The following TTI2 variants were observed in gnomAD, a reference collection of about 807,000 sequenced individuals.
TTI2 encodes TELO2 interacting protein 2.
In TTI2, 26 loss-of-function variants were observed where a neutral mutation model predicts 44.9. The ratio of observed to expected loss-of-function variants is 0.58; its 90% CI spans 0.42 to 0.80. TTI2 has a LOEUF of 0.80. TTI2 is among the 30% of genes least tolerant of loss of function. TTI2 has a pLI of 0.00. For missense variants in TTI2, 582 were observed against 611.6 expected, an observed-to-expected ratio of 0.95 and a Z score of 0.51; for synonymous variants, 254 against 250.9, an observed-to-expected ratio of 1.01 and a Z score of -0.12.
intron 3 of TTI2, 55 bp downstream of exon 3, chr8:33,509,691 C>T (rs1000666036): frequency 6.5e-7 from 1 of 1,530,132 alleles, no homozygotes; most frequent in African/African-American, 1.4e-5. Context: ...GAAGAACAGC[C>T]AGGAATGACT....
At chr8:33,500,622 A>C (rs1809040125) in intron 6 of TTI2, 132 bp from the exon 7 acceptor site, 2 of 1,147,678 alleles carry the variant, frequency 1.7e-6, no homozygotes, top group Non-Finnish European at 2.4e-6. Context: ...TAAATGAAAA[A>C]GACCTAAAAA....
At position 33,512,193 on chromosome 8, in the gene TTI2, T is replaced by C; in HGVS notation, c.421A>G (p.Thr141Ala). ...KNSLVGPAWQ[T>A]GLHHLAGPVY... ...GGTCCTGCCAAGTGATGCAGGCCCG[T>C]CTGCCATGCAGGGCCGACCAGGGAA... Residue 141 changes from threonine to alanine, a missense_variant, in exon 2 of 8, where the codon ACG (threonine) becomes GCG (alanine). By Grantham distance (58) the Thr-to-Ala change is moderately conservative. Coordinates refer to ENST00000431156, the MANE Select transcript of TTI2 (RefSeq NM_001102401.4). 2 of 1,614,158 alleles carry C rather than the reference T, an allele frequency of 1.2e-6. No individual in the cohort carries two copies. Among genetic ancestry groups the C allele is most frequent in the Non-Finnish European group, 8.5e-7 (1 of 1,180,034 alleles).
chr8:33,501,431 A>G lies in TTI2; in HGVS notation c.1260-941T>C, dbSNP rs938324159. On this transcript the variant is annotated intron_variant, in intron 6 of 7. Coordinates refer to ENST00000431156, the MANE Select transcript of TTI2 (RefSeq NM_001102401.4). ...ACACATATTCCTTTTCTACCTCCCT[A>G]CATTTATTCACTCTCCCTTCTTGGA... 3.3e-5 allele frequency among the ~76,000 whole-genome samples: 5 copies of G among 151,956 alleles called. No homozygotes were observed. The East Asian group carries it at 9.6e-4, about 29-fold the overall frequency.
Position 33,512,151 on chromosome 8 carries a change from T to C in TTI2, c.463A>G (p.Ile155Val). The C allele has an allele frequency of 6.2e-7, 1 of 1,614,158 alleles. No homozygotes were observed. Among genetic ancestry groups the C allele is most frequent in the Non-Finnish European group, 8.5e-7 (1 of 1,180,004 alleles). ...HLAGPVYIFA[I>V]THSLEQPWTT... ...CATGGTTGCTCCAAGCTGTGTGTGA[T>C]GGCAAAAATATAAACGGGTCCTGCC... The change falls in exon 2 of 8, where the codon ATC becomes GTC. Residue 155 changes from isoleucine to valine, a missense_variant. By Grantham distance (29) the Ile-to-Val change is conservative. Transcript: ENST00000431156.
chr8:33,509,864 G>C lies in TTI2; in HGVS notation c.716C>G (p.Pro239Arg), dbSNP rs776614145. ...CCTTTCCAGATGCTGGCTCAGCCAG[G>C]GCCGAGTGACCTGTTGCAGAGTCCA... ...FSWTLQQVTR[P>R]WLSQHLERVL... The change falls in exon 3 of 8, where the codon CCC (proline) becomes CGC (arginine). Residue 239 changes from proline to arginine, a missense_variant. Coordinates refer to ENST00000431156, the MANE Select transcript of TTI2 (RefSeq NM_001102401.4). The C allele has an allele frequency of 6.2e-7, 1 of 1,613,880 alleles. No individual in the cohort carries two copies. Among genetic ancestry groups the C allele is most frequent in the Admixed American group, 1.7e-5 (1 of 59,988 alleles).
chr8:33,505,846 G>C (rs762590000), intron 4 of TTI2, among the ~76,000 whole-genome samples: 1 of 152,116 alleles, frequency 6.6e-6, no homozygotes, highest in Non-Finnish European at 1.5e-5. Context: ...GTAGAGATGG[G>C]ATTTCACCAT....
At position 33,511,991 on chromosome 8, in the gene TTI2, CCTAGTAT is replaced by C; in HGVS notation, c.616_622del (p.Ile206GlyfsTer34). ...CTTATACAAGTCGGGTTTGAGAAGCCCTAGTATCACCGAAAGTCTCCCTTTCTCATCT... is the reference window on the plus strand; with the variant it reads ...CTTATACAAGTCGGGTTTGAGAAGCCCACCGAAAGTCTCCCTTTCTCATCT... On this transcript the variant is annotated frameshift_variant, in exon 2 of 8. Coordinates refer to ENST00000431156, the MANE Select transcript of TTI2 (RefSeq NM_001102401.4). LOFTEE classifies it high-confidence loss of function. 6.2e-7 allele frequency: 1 copy of C among 1,614,130 alleles called. No homozygotes were observed. Among genetic ancestry groups the C allele is most frequent in the African/African-American group, 1.3e-5 (1 of 75,028 alleles).
chr8:33,510,155 G>A (rs1368581296), intron 2 of TTI2, among the ~76,000 whole-genome samples: 1 of 152,036 alleles, frequency 6.6e-6, no homozygotes, highest in Non-Finnish European at 1.5e-5. Context: ...TGGGTCTACA[G>A]CCTATCCAAT....
chr8:33,505,648 C>T (rs906366460), intron 4 of TTI2, among the ~76,000 whole-genome samples: 4 of 151,960 alleles, frequency 2.6e-5, no homozygotes, highest in Non-Finnish European at 5.9e-5. Context: ...CGCCACCATG[C>T]CTGGCTAATT....
chr8:33,507,373 CAT>C (rs772875597), intron 3 of TTI2, 52 bp from the exon 4 acceptor site: 1 of 1,495,142 alleles, frequency 6.7e-7, no homozygotes, highest in Non-Finnish European at 9.3e-7. Flanking sequence ...AAGATTGGCA[CAT>C]GTTGACTATC....
rs555776371 is a variant in TTI2, at chr8:33,510,434, T to C, written c.648-502A>G. 1.2e-4 allele frequency among the ~76,000 whole-genome samples: 18 copies of C among 152,360 alleles called. No homozygotes were observed. The East Asian group carries it at 1.7e-3, about 15-fold the overall frequency. On this transcript the variant is annotated intron_variant, in intron 2 of 7. Coordinates refer to ENST00000431156, the MANE Select transcript of TTI2 (RefSeq NM_001102401.4). ...CTCTATTGCCCAGGCTGGAGTGCAG[T>C]GGCACCATCTGGGTTCACTGCAACC...
At chr8:33,511,903 T>G in intron 2 of TTI2, 64 bp downstream of exon 2, 2 of 1,525,930 alleles carry the variant, frequency 1.3e-6, no homozygotes, top group Non-Finnish European at 1.8e-6. Context: ...AATAAATAAA[T>G]AATAAAAAAT....
Position 33,512,373 on chromosome 8 carries a change from T to C in TTI2, c.241A>G (p.Thr81Ala), listed in dbSNP as rs768995506. 1.2e-6 allele frequency: 2 copies of C among 1,614,082 alleles called. No individual in the cohort carries two copies. Among genetic ancestry groups the C allele is most frequent in the Non-Finnish European group, 8.5e-7 (1 of 1,180,046 alleles). Residue 81 changes from threonine to alanine, a missense_variant, in exon 2 of 8, where the codon ACA becomes GCA. Transcript: ENST00000431156. Reference sequence around the variant, plus strand: ...AGGGCTTTTGCTACCTGCCCCAGTGTCTCCGGCATTCCGCGGAGCCGTGCA... The same window carrying C: ...AGGGCTTTTGCTACCTGCCCCAGTGCCTCCGGCATTCCGCGGAGCCGTGCA... ...TGARLRGMPE[T>A]LGQVAKALEK...
Position 33,512,098 on chromosome 8 carries a change from A to G in TTI2, c.516T>C (p.Ala172=), listed in dbSNP as rs1288845495. The change falls in exon 2 of 8, where the codon GCT becomes GCC. Residue 172 remains alanine (A), a synonymous_variant. Transcript: ENST00000431156. ...PWTTPRSREV[A]REVLTSLLQV... Reference sequence around the variant, plus strand: ...GAAGCAGTGAGGTGAGCACCTCCCTAGCAACTTCCCGAGATCTCGGAGTGG... The same window carrying G: ...GAAGCAGTGAGGTGAGCACCTCCCTGGCAACTTCCCGAGATCTCGGAGTGG... 5.0e-6 allele frequency: 8 copies of G among 1,614,052 alleles called. No individual in the cohort carries two copies. The highest frequency in any genetic ancestry group is 1.1e-5 in the South Asian group (1 of 91,080).
At chr8:33,502,973 C>A (rs1276299404) in intron 6 of TTI2, among the ~76,000 whole-genome samples, 3 of 151,332 alleles carry the variant, frequency 2.0e-5, no homozygotes, top group Admixed American at 2.0e-4. Flanking sequence ...ACTGAAAATA[C>A]AAAAAATTAG....
chr8:33,511,208 A>G (rs1809515871), intron 2 of TTI2, among the ~76,000 whole-genome samples: 1 of 151,840 alleles, frequency 6.6e-6, no homozygotes, highest in Non-Finnish European at 1.5e-5. Flanking sequence ...ATGCCCAGCT[A>G]ATTTTTGTAT....
rs1202534337 is a variant in TTI2, at chr8:33,499,071, T to TA, written c.*101dup. The TA allele has an allele frequency of 1.5e-5, 15 of 1,008,234 alleles. No homozygotes were observed. The East Asian group carries it at 2.3e-4, about 15-fold the overall frequency. The allele number at this position is 1,008,234 out of a possible 1,614,324, so 62.5% of individuals were successfully genotyped here. A position where few individuals can be genotyped will look rare whatever the true frequency, so the allele number is the denominator to read the frequency against. On this transcript the variant is annotated 3_prime_UTR_variant, in exon 8 of 8. Transcript: ENST00000431156. ...AAGGAAGGAAAAAGCAGCTTTCACTTACAAAGTTTCGTGTAAAAATATCTT... is the reference window on the plus strand; with the variant it reads ...AAGGAAGGAAAAAGCAGCTTTCACTTAACAAAGTTTCGTGTAAAAATATCTT...
chr8:33,513,024 A>T (rs1809619646), intron 1 of TTI2, 58 bp downstream of exon 1: 2 of 159,500 alleles, frequency 1.3e-5, no homozygotes, highest in Admixed American at 6.0e-5. Context: ...AAAAAAACTT[A>T]AAAATTTAAA....
At chr8:33,504,219 T>C (rs13263695) in intron 4 of TTI2, among the ~76,000 whole-genome samples, 79,472 of 150,396 alleles carry the variant, frequency 0.53, 21,408 homozygotes, top group Non-Finnish European at 0.59. Context: ...TAATCCAGAT[T>C]TTAGGAATCT....
Sources: gnomAD v4.1 joint callset for allele counts (sites outside exome capture counted in the v4.1 genomes callset) on GRCh38, gnomAD v4.1.1 for gene constraint, MANE v1.5 for transcripts, NCBI Gene and HGNC (gene_info 2026-07-23, HGNC 2026-07-21) for gene names.